BEAN1: variants seen among roughly 807,000 people sequenced by gnomAD.
BEAN1 encodes the protein protein BEAN1.
A neutral mutation model predicts 17.7 loss-of-function variants in BEAN1; 17 were observed. That is an observed-to-expected ratio of 0.96 (90% CI 0.66 to 1.44). The LOEUF (loss-of-function observed/expected upper bound fraction) is 1.44. Among genes scored for constraint, BEAN1 ranks in the 40% most tolerant of loss-of-function variants. The pLI, the probability that BEAN1 is intolerant of heterozygous loss-of-function variation, is 0.00. For missense variants in BEAN1, 359 were observed against 374.1 expected (o/e 0.96, Z 0.33); for synonymous variants, 142 against 151.8 (o/e 0.94, Z 0.47).
At chr16:66,474,758 AAAG>A (rs901758902) in intron 3 of BEAN1, among the ~76,000 whole-genome samples, 20 of 152,140 alleles carry the variant, frequency 1.3e-4, no homozygotes, top group African/African-American at 3.4e-4. Context: ...AGAAAGAAAG[AAAG>A]AAGAAAGAAA....
At chr16:66,430,552 A>C (rs1266513571) in intron 1 of BEAN1, among the ~76,000 whole-genome samples, 1 of 152,210 alleles carries the variant, frequency 6.6e-6, no homozygotes, top group Non-Finnish European at 1.5e-5. Flanking sequence ...GTACATCTTC[A>C]ATCATTTTAT....
downstream of BEAN1, chr16:66,485,220 C>A (rs1964072006): frequency 4.9e-6 from 2 of 406,356 alleles, no homozygotes; most frequent in Non-Finnish European, 9.9e-6. Flanking sequence ...CTAGAGATAC[C>A]CCTGGCACAC....
chr16:66,492,728 A>G (rs1964191922), intron 4 of BEAN1, among the ~76,000 whole-genome samples: 2 of 152,200 alleles, frequency 1.3e-5, no homozygotes, highest in African/African-American at 4.8e-5. Context: ...GGTGTGAGCC[A>G]CCACACCCAG....
downstream of BEAN1, among the ~76,000 whole-genome samples, chr16:66,487,397 A>C (rs1297828625): frequency 3.3e-5 from 5 of 152,164 alleles, no homozygotes; most frequent in African/African-American, 1.2e-4. Flanking sequence ...TTGTGGCCCA[A>C]GCTGACTCCT....
intron 2 of BEAN1, among the ~76,000 whole-genome samples, chr16:66,448,804 G>A (rs368168596): frequency 6.0e-4 from 92 of 152,196 alleles, no homozygotes; most frequent in African/African-American, 2.1e-3. Context: ...GCAACAGAAC[G>A]AGACTCTGTC....
intron 2 of BEAN1, among the ~76,000 whole-genome samples, chr16:66,466,958 T>G (rs1254748195): frequency 6.6e-6 from 1 of 152,196 alleles, no homozygotes; most frequent in Non-Finnish European, 1.5e-5. Flanking sequence ...AGTGATTTAT[T>G]TGGGGAACTT....
intron 2 of BEAN1, among the ~76,000 whole-genome samples, chr16:66,451,762 G>T (rs911536911): frequency 6.6e-6 from 1 of 152,204 alleles, no homozygotes; most frequent in Non-Finnish European, 1.5e-5. Flanking sequence ...CTGCCAGCAA[G>T]AGGCAGTGCC....
At chr16:66,439,013 A>T (rs943383780) in intron 2 of BEAN1, among the ~76,000 whole-genome samples, 1 of 152,048 alleles carries the variant, frequency 6.6e-6, no homozygotes, top group Non-Finnish European at 1.5e-5. Context: ...GTTTACGTGG[A>T]TCATGGGGGT....
intron 2 of BEAN1, 107 bp from the exon 3 acceptor site, chr16:66,469,495 T>C: frequency 7.5e-7 from 1 of 1,330,290 alleles, no homozygotes; most frequent in Non-Finnish European, 1.0e-6. Flanking sequence ...GCCCAGACCC[T>C]CCTCCATTTA....
At chr16:66,439,894 C>T (rs371507740) in intron 2 of BEAN1, among the ~76,000 whole-genome samples, 17 of 152,036 alleles carry the variant, frequency 1.1e-4, no homozygotes, top group South Asian at 4.2e-4. Flanking sequence ...AGGACTGCTG[C>T]GAGGCTCCAT....
intron 4 of BEAN1, 125 bp downstream of exon 4, chr16:66,477,835 A>T (rs1384425078): frequency 8.6e-7 from 1 of 1,161,302 alleles, no homozygotes; most frequent in Non-Finnish European, 1.1e-6. Flanking sequence ...ACATCTGCTC[A>T]GTGGGCATGG....
chr16:66,433,474 T>C (rs993702013), intron 1 of BEAN1, among the ~76,000 whole-genome samples: 1 of 152,184 alleles, frequency 6.6e-6, no homozygotes, highest in African/African-American at 2.4e-5. Context: ...GCAGTCACCG[T>C]TGCCTTTGTT....
chr16:66,457,957 A>G lies in BEAN1; in HGVS notation c.26-11645A>G, dbSNP rs566334126. 1.2e-4 allele frequency among the ~76,000 whole-genome samples: 19 copies of G among 152,242 alleles called. 1 individual carries two copies. The South Asian group carries it at 3.9e-3, about 32-fold the overall frequency. ...AGTCGTGTTCCCTACACTCCTTCCAATGACTCCACGCCTCACCCTGTCCAT... is the reference window on the plus strand; with the variant it reads ...AGTCGTGTTCCCTACACTCCTTCCAGTGACTCCACGCCTCACCCTGTCCAT... On this transcript the variant is annotated intron_variant, in intron 2 of 4. Transcript: ENST00000536005.
chr16:66,493,134 G>A (rs1390214035), exon 5 of BEAN1: 2 of 702,982 alleles, frequency 2.8e-6, no homozygotes, highest in South Asian at 3.0e-5. Flanking sequence ...TTCCTGGTGA[G>A]GGTCTCATGT....
At chr16:66,492,430 C>T (rs915661640) in intron 4 of BEAN1, among the ~76,000 whole-genome samples, 4 of 151,790 alleles carry the variant, frequency 2.6e-5, no homozygotes, top group Admixed American at 6.6e-5. Flanking sequence ...AGCTCAGTCA[C>T]TCTCTTTTTG....
rs1567510002 is a variant in BEAN1 at position 66,480,853 on chromosome 16, AG to A, written c.711del (p.Pro238GlnfsTer41). 6.6e-7 allele frequency: 1 copy of A among 1,507,736 alleles called. No homozygotes were observed. Among genetic ancestry groups the A allele is most frequent in the Non-Finnish European group, 8.9e-7 (1 of 1,122,044 alleles). The allele number at this position is 1,507,736 out of a possible 1,614,324, so 93.4% of individuals were successfully genotyped here. A position where few individuals can be genotyped will look rare whatever the true frequency, so the allele number is the denominator to read the frequency against. On this transcript the variant is annotated frameshift_variant, in exon 5 of 5. Transcript: ENST00000536005. LOFTEE classifies it low-confidence loss of function (END_TRUNC). ...GLLPLPGPDP[G>X]PRGSQGSPTP... ...TGCTGCCACTGCCGGGCCCAGACCC[AG>A]GGCCAAGGGGCTCCCAGGGCTCACC... is the stretch of plus-strand genomic sequence containing the variant.
In BEAN1 at chr16:66,477,617, C is replaced by T. The variant is rs1454105776; in HGVS notation, c.347C>T (p.Ser116Phe). 6.4e-7 allele frequency: 1 copy of T among 1,551,266 alleles called. No individual in the cohort carries two copies. Residue 116 changes from serine to phenylalanine, a missense_variant, in exon 4 of 5, where the codon TCC becomes TTC. Ser to Phe is a radical substitution (Grantham distance 155). Transcript: ENST00000536005. ...SSRRMRYACSSSEDWPPPLDI... is the reference protein window; with the variant it reads ...SSRRMRYACSFSEDWPPPLDI... ...CGCAGGATGCGCTATGCCTGCAGCTCCTCAGAGGACTGGCCCCCACCCTTG... is the reference window on the plus strand; with the variant it reads ...CGCAGGATGCGCTATGCCTGCAGCTTCTCAGAGGACTGGCCCCCACCCTTG...
intron 1 of BEAN1, among the ~76,000 whole-genome samples, chr16:66,436,223 A>C (rs1344283084): frequency 1.3e-5 from 2 of 150,482 alleles, no homozygotes; most frequent in Non-Finnish European, 3.0e-5. Flanking sequence ...GAACCAATTC[A>C]GATCTTCAGC....
downstream of BEAN1, chr16:66,485,838 G>A (rs1471750742): frequency 6.6e-6 from 1 of 152,416 alleles, no homozygotes; most frequent in Non-Finnish European, 1.5e-5. Flanking sequence ...GAGTAGAAGA[G>A]CATCCCTTGA....
Sources: allele counts gnomAD v4.1 joint callset (sites outside exome capture counted in the v4.1 genomes callset), GRCh38; gene constraint gnomAD v4.1.1; transcripts MANE v1.5; gene names NCBI Gene and HGNC (gene_info 2026-07-23, HGNC 2026-07-21).